The following KSR2 variants were observed in gnomAD, a reference collection of about 807,000 sequenced individuals.
KSR2 encodes kinase suppressor of ras 2.
In KSR2, 25 loss-of-function variants were observed where a neutral mutation model predicts 107.8. The ratio of observed to expected loss-of-function variants is 0.23; its 90% CI spans 0.17 to 0.32. The LOEUF (loss-of-function observed/expected upper bound fraction) is 0.32, where lower values mean the gene tolerates loss of function less well. KSR2 is among the 10% of genes least tolerant of loss of function. KSR2 has a pLI of 1.00. For missense variants in KSR2, 887 were observed against 1,268.9 expected, an observed-to-expected ratio of 0.70 and a Z score of 4.57; for synonymous variants, 480 against 507.0, an observed-to-expected ratio of 0.95 and a Z score of 0.71.
In KSR2 at chr12:117,527,078, G is replaced by A. The variant is rs534046978; in HGVS notation, c.1844C>T (p.Thr615Met). ...NPLLQIEVEP[T>M]SENEEVHDEA... is the part of the protein sequence containing the mutation. ...CTGCTCTCTGATTCTCACCTCCGAC[G>A]TTGGCTCCACTTCAATTTGAAGTAA... Residue 615 changes from threonine to methionine, a missense_variant, in exon 13 of 20, where the codon ACG becomes ATG. By Grantham distance (81) the Thr-to-Met change is moderately conservative. Around this residue, in one of 8 missense-constraint regions of KSR2, gnomAD observed 308 missense variants for 506.2 expected, o/e 0.61. Coordinates refer to ENST00000339824, the MANE Select transcript of KSR2 (RefSeq NM_173598.6). 1.7e-5 allele frequency: 27 copies of A among 1,613,550 alleles called. No individual in the cohort carries two copies. Among genetic ancestry groups the A allele is most frequent in the East Asian group, 1.3e-4 (6 of 44,866 alleles).
intron 3 of KSR2, among the ~76,000 whole-genome samples, chr12:117,783,502 C>G (rs1222170179): frequency 6.6e-6 from 1 of 152,182 alleles, no homozygotes; most frequent in Non-Finnish European, 1.5e-5. Context: ...TAAAAAATAC[C>G]CATCCCAGTT....
rs189750854 is a variant in KSR2 at position 117,533,040 on chromosome 12, C to T, written c.1688-1333G>A. Among the ~76,000 whole-genome samples the T allele has an allele frequency of 1.4e-3, 209 of 152,200 alleles. 3 individuals are homozygous for T. The highest frequency in any genetic ancestry group is 3.1e-3 in the South Asian group (15 of 4,822). ...GAAGCTCCAAGTCTCACTGTCCACA[C>T]GTGTAAAATGAGGATAATAACAGTC... On this transcript the variant is annotated intron_variant, in intron 10 of 19. Coordinates refer to ENST00000339824, the MANE Select transcript of KSR2 (RefSeq NM_173598.6).
chr12:117,516,215 G>T (rs1358409282), intron 14 of KSR2, among the ~76,000 whole-genome samples: 1 of 152,146 alleles, frequency 6.6e-6, no homozygotes, highest in African/African-American at 2.4e-5. Flanking sequence ...CCATGTCTAT[G>T]CAGATGACTC....
chr12:117,579,505 T>C (rs4767570), intron 6 of KSR2, among the ~76,000 whole-genome samples: 54,752 of 152,138 alleles, frequency 0.36, 11,980 homozygotes, highest in South Asian at 0.49. Flanking sequence ...GTTGTGACTA[T>C]ACTATTACCT....
At chr12:117,871,587 C>T (rs1382479785) in intron 1 of KSR2, among the ~76,000 whole-genome samples, 1 of 148,968 alleles carries the variant, frequency 6.7e-6, no homozygotes, top group Non-Finnish European at 1.5e-5. Flanking sequence ...CAGAATGAGA[C>T]CCTGTCTCAA....
intron 5 of KSR2, among the ~76,000 whole-genome samples, chr12:117,662,361 A>C (rs1385471574): frequency 1.3e-5 from 2 of 152,036 alleles, no homozygotes; most frequent in African/African-American, 4.8e-5. Context: ...AATCACCCCC[A>C]TCCTGAGTCT....
chr12:117,510,648 A>T (rs144549685), intron 14 of KSR2, among the ~76,000 whole-genome samples: 145 of 152,304 alleles, frequency 9.5e-4, no homozygotes, highest in Middle Eastern at 3.4e-3. Context: ...AGGCCAAGGC[A>T]GGTAGGTTGC....
At chr12:117,512,426 G>T (rs1252788959) in intron 14 of KSR2, among the ~76,000 whole-genome samples, 1 of 152,108 alleles carries the variant, frequency 6.6e-6, no homozygotes, top group Non-Finnish European at 1.5e-5. Flanking sequence ...CTCAAAGTGG[G>T]GTCCCCAGAC....
intron 5 of KSR2, among the ~76,000 whole-genome samples, chr12:117,616,504 C>T (rs1048844534): frequency 2.6e-5 from 4 of 152,160 alleles, no homozygotes; most frequent in African/African-American, 9.7e-5. Flanking sequence ...CAAGTACCTG[C>T]CCTTGACTAA....
At chr12:117,790,914 A>G (rs1364286262) in intron 3 of KSR2, among the ~76,000 whole-genome samples, 2 of 151,946 alleles carry the variant, frequency 1.3e-5, no homozygotes, top group African/African-American at 4.8e-5. Context: ...CAGCCTCCCA[A>G]CTGGTCTCTC....
intron 2 of KSR2, among the ~76,000 whole-genome samples, chr12:117,858,539 T>C (rs915482744): frequency 6.6e-6 from 1 of 152,184 alleles, no homozygotes; most frequent in African/African-American, 2.4e-5. Flanking sequence ...GTGAGATTCT[T>C]GTCCCTGCGG....
At chr12:117,670,362 C>T (rs148058236) in intron 4 of KSR2, among the ~76,000 whole-genome samples, 1 of 152,218 alleles carries the variant, frequency 6.6e-6, no homozygotes, top group East Asian at 1.9e-4. Context: ...GTGGGAGATG[C>T]TGTTATTATC....
intron 3 of KSR2, among the ~76,000 whole-genome samples, chr12:117,799,951 C>G (rs747061332): frequency 6.6e-6 from 1 of 152,222 alleles, no homozygotes; most frequent in Non-Finnish European, 1.5e-5. Flanking sequence ...GACTCAGGCT[C>G]TTAGCCCTAT....
At chr12:117,950,901 T>G (rs1229464888) in intron 1 of KSR2, among the ~76,000 whole-genome samples, 1 of 151,242 alleles carries the variant, frequency 6.6e-6, no homozygotes, top group African/African-American at 2.4e-5. Flanking sequence ...CAACCAGCGG[T>G]TCTTCTTATT....
Position 117,458,613 on chromosome 12 carries a change from A to T in KSR2, c.*8586T>A, listed in dbSNP as rs1490138734. The stretch of plus-strand genomic sequence containing the variant: ...TCTACAATTGTGCAACTTTCTCCTC[A>T]GTTTACAATACAGGGGAGATATTAT... On this transcript the variant is annotated 3_prime_UTR_variant, in exon 20 of 20. Transcript: ENST00000339824. The T allele has an allele frequency of 6.6e-6, 1 of 152,134 alleles. No homozygotes were observed. Among genetic ancestry groups the T allele is most frequent in the Non-Finnish European group, 1.5e-5 (1 of 68,016 alleles). The allele number at this position is 152,134 out of a possible 1,614,324, so 9.4% of individuals were successfully genotyped here.
At chr12:117,667,403 G>C (rs1000001009) in intron 5 of KSR2, 71 bp downstream of exon 5, 109 of 1,412,036 alleles carry the variant, frequency 7.7e-5, no homozygotes, top group Non-Finnish European at 1.0e-4. Flanking sequence ...CTGGCACAGA[G>C]GACAGCAGGT....
intron 1 of KSR2, among the ~76,000 whole-genome samples, chr12:117,893,907 CTTTTTTT>C (rs56095185): frequency 1.5e-5 from 2 of 129,330 alleles, no homozygotes; most frequent in South Asian, 2.5e-4. Flanking sequence ...GAACAAAATT[CTTTTTTT>C]TTTTTTTTTT....
chr12:117,783,968 T>A (rs117606903), intron 3 of KSR2, among the ~76,000 whole-genome samples: 3,659 of 152,280 alleles, frequency 0.024, 47 homozygotes, highest in Middle Eastern at 0.058. Flanking sequence ...TCCTTTGGAC[T>A]GAGAAGCTCA....
At chr12:117,700,535 T>C (rs1193069470) in intron 4 of KSR2, among the ~76,000 whole-genome samples, 2 of 152,224 alleles carry the variant, frequency 1.3e-5, no homozygotes, top group African/African-American at 4.8e-5. Context: ...CATGTATTTT[T>C]CCTGCACAGG....
Sources: gnomAD v4.1 joint callset for allele counts (sites outside exome capture counted in the v4.1 genomes callset) on GRCh38, gnomAD v4.1.1 for gene constraint, gnomAD v4.1.1 regional missense constraint, MANE v1.5 for transcripts, NCBI Gene and HGNC (gene_info 2026-07-23, HGNC 2026-07-21) for gene names.